Variants in CTNNA2 observed in about 807,000 individuals in gnomAD.
The protein encoded by CTNNA2 is catenin alpha-2.
Under a neutral mutation model 101.0 loss-of-function variants are expected in CTNNA2, and 42 were observed. The ratio of observed to expected loss-of-function variants is 0.42; its 90% CI spans 0.32 to 0.54. The LOEUF (loss-of-function observed/expected upper bound fraction) is 0.54, where lower values mean the gene tolerates loss of function less well. Ranked by LOEUF, CTNNA2 falls within the 20% of genes least tolerant of loss-of-function variation. The pLI is 0.14. For missense variants in CTNNA2, 871 were observed against 1,223.1 expected, an observed-to-expected ratio of 0.71 and a Z score of 4.29; for synonymous variants, 450 against 456.4, an observed-to-expected ratio of 0.99 and a Z score of 0.18.
intron 3 of CTNNA2, among the ~76,000 whole-genome samples, chr2:79,325,209 G>T (rs1432144590): frequency 2.0e-5 from 3 of 152,116 alleles, no homozygotes; most frequent in Admixed American, 6.5e-5. Flanking sequence ...TATCAATGGG[G>T]GGAAAACCAA....
chr2:79,890,906 G>A (rs1351971149), intron 6 of CTNNA2, among the ~76,000 whole-genome samples: 1 of 143,466 alleles, frequency 7.0e-6, no homozygotes, highest in Non-Finnish European at 1.5e-5. Context: ...CATGGTGGAA[G>A]GGGCAGGGAG....
intron 3 of CTNNA2, among the ~76,000 whole-genome samples, chr2:79,794,784 A>G (rs894922996): frequency 1.3e-5 from 2 of 152,184 alleles, no homozygotes; most frequent in Non-Finnish European, 2.9e-5. Flanking sequence ...GGATAAATCT[A>G]CCTTGCTTGA....
chr2:79,674,557 TAATAGGGAACTTAGTTA>T (rs1683061831), intron 2 of CTNNA2, among the ~76,000 whole-genome samples: 1 of 152,152 alleles, frequency 6.6e-6, no homozygotes, highest in South Asian at 2.1e-4. Context: ...CCCTATTAGA[TAATAGGGAACTTAGTTA>T]AATAGGGAAC....
chr2:79,937,063 C>G (rs1254239651), intron 7 of CTNNA2, among the ~76,000 whole-genome samples: 1 of 152,138 alleles, frequency 6.6e-6, no homozygotes, highest in Non-Finnish European at 1.5e-5. Context: ...CCTCTTCCTC[C>G]CTTCTTATTA....
At chr2:80,135,376 G>A (rs905276871) in intron 7 of CTNNA2, among the ~76,000 whole-genome samples, 5 of 152,168 alleles carry the variant, frequency 3.3e-5, no homozygotes, top group African/African-American at 1.2e-4. Flanking sequence ...AGGAAGGAGG[G>A]CTCTGGACAG....
chr2:80,562,709 AAATTATGGTCT>A (rs1693714474), intron 12 of CTNNA2, among the ~76,000 whole-genome samples: 1 of 152,192 alleles, frequency 6.6e-6, no homozygotes, highest in Admixed American at 6.5e-5. Context: ...CTGGTTGAAT[AAATTATGGTCT>A]AATCACACAG....
At chr2:80,269,524 G>A (rs79199263) in intron 7 of CTNNA2, among the ~76,000 whole-genome samples, 117 of 152,006 alleles carry the variant, frequency 7.7e-4, no homozygotes, top group African/African-American at 2.5e-3. Flanking sequence ...TTAATTCATC[G>A]GTGCTCTTGC....
chr2:80,501,029 T>C (rs1047536254), intron 9 of CTNNA2, among the ~76,000 whole-genome samples: 7 of 152,246 alleles, frequency 4.6e-5, no homozygotes, highest in African/African-American at 1.7e-4. Flanking sequence ...TCAAATGTAA[T>C]GAATCTCTTG....
Position 80,302,306 on chromosome 2 carries a change from T to G in CTNNA2, c.1057-90905T>G. The G allele has an allele frequency of 6.2e-7, 1 of 1,614,194 alleles. No individual in the cohort carries two copies. The highest frequency in any genetic ancestry group is 8.5e-7 in the Non-Finnish European group (1 of 1,180,034). ...GTGGCAGGTACACGAGCCATACTCG[T>G]TGATGATCACCAGGGCTCCCTCAAT... is the stretch of plus-strand genomic sequence containing the variant. On this transcript the variant is annotated intron_variant, in intron 7 of 18. Transcript: ENST00000402739. This position sits in a 1 kb window ranked among gnomAD's most constrained non-coding sequence, Gnocchi z 6.4.
intron 1 of CTNNA2, among the ~76,000 whole-genome samples, chr2:79,629,160 G>A (rs1000810548): frequency 3.9e-5 from 6 of 152,090 alleles, no homozygotes; most frequent in African/African-American, 1.4e-4. Context: ...AATATTGTGA[G>A]AATCATTTTT....
intron 1 of CTNNA2, among the ~76,000 whole-genome samples, chr2:79,599,951 G>C (rs1453234883): frequency 6.6e-6 from 1 of 152,146 alleles, no homozygotes; most frequent in African/African-American, 2.4e-5. Flanking sequence ...GAAAAGTCTT[G>C]AGGGAGTAGA....
chr2:79,514,719 T>C (rs1255856569), intron 1 of CTNNA2: 1 of 152,204 alleles, frequency 6.6e-6, no homozygotes, highest in Non-Finnish European at 1.5e-5. Context: ...ATGGATATTT[T>C]GAAGCCTATA....
chr2:79,558,358 G>A (rs532101352), intron 1 of CTNNA2, among the ~76,000 whole-genome samples: 23 of 151,806 alleles, frequency 1.5e-4, no homozygotes, highest in East Asian at 3.9e-4. Flanking sequence ...CTGATAACAC[G>A]CCTAATAGGT....
chr2:80,083,502 A>G (rs1283660699), intron 7 of CTNNA2, among the ~76,000 whole-genome samples: 1 of 152,056 alleles, frequency 6.6e-6, no homozygotes, highest in Non-Finnish European at 1.5e-5. Flanking sequence ...GGGCATGGGT[A>G]TTCTACGCAT....
At chr2:79,823,596 C>T (rs1330421705) in intron 3 of CTNNA2, among the ~76,000 whole-genome samples, 1 of 152,068 alleles carries the variant, frequency 6.6e-6, no homozygotes, top group Non-Finnish European at 1.5e-5. Flanking sequence ...CCTCTTAAAC[C>T]TTCAGAAAAA....
intron 16 of CTNNA2, among the ~76,000 whole-genome samples, chr2:80,607,620 AT>A (rs1303758458): frequency 6.6e-6 from 1 of 151,930 alleles, no homozygotes; most frequent in Non-Finnish European, 1.5e-5. Context: ...TCAGTCTCTC[AT>A]TTAAAGGCAG....
intron 2 of CTNNA2, among the ~76,000 whole-genome samples, chr2:79,678,419 C>G (rs1023512068): frequency 6.6e-6 from 1 of 151,696 alleles, no homozygotes; most frequent in Non-Finnish European, 1.5e-5. Flanking sequence ...GATGTAGTTC[C>G]AGATACTCGG....
At chr2:80,111,165 T>C (rs558724353) in intron 7 of CTNNA2, among the ~76,000 whole-genome samples, 1 of 152,290 alleles carries the variant, frequency 6.6e-6, no homozygotes, top group East Asian at 1.9e-4. Flanking sequence ...GGTTCCCTCC[T>C]GCAACATGTG....
At chr2:80,537,807 G>C (rs528000062) in intron 9 of CTNNA2, among the ~76,000 whole-genome samples, 29 of 152,004 alleles carry the variant, frequency 1.9e-4, no homozygotes, top group Non-Finnish European at 3.2e-4. Context: ...TGGTCAGGCT[G>C]TTCTCGAACT....
Sources: allele counts gnomAD v4.1 joint callset (sites outside exome capture counted in the v4.1 genomes callset), GRCh38; gene constraint gnomAD v4.1.1; non-coding constraint Gnocchi (gnomAD v3.1); transcripts MANE v1.5; gene names NCBI Gene and HGNC (gene_info 2026-07-23, HGNC 2026-07-21).